DNAH14: variants seen among roughly 807,000 people sequenced by gnomAD.
The protein encoded by DNAH14 is axonemal beta dynein heavy chain 14.
In DNAH14, 478 loss-of-function variants were observed where a neutral mutation model predicts 520.9. The ratio of observed to expected loss-of-function variants is 0.92; its 90% CI spans 0.85 to 0.99. The LOEUF is 0.99. Among genes scored for constraint, DNAH14 ranks in the 50% least tolerant of loss-of-function variants. The pLI is 0.00. For synonymous variants in DNAH14, 1,581 were observed against 1,757.2 expected (o/e 0.90, Z 2.51); for missense variants, 4,831 against 5,234.5 (o/e 0.92, Z 2.38).
intron 1 of DNAH14, among the ~76,000 whole-genome samples, chr1:224,944,026 C>T (rs2059617100): frequency 6.6e-6 from 1 of 152,148 alleles, no homozygotes; most frequent in Admixed American, 6.5e-5. Flanking sequence ...TGGTGCAGAG[C>T]TGAGTTCAAT....
chr1:224,967,452 G>T lies in DNAH14; in HGVS notation c.520G>T (p.Glu174Ter). 1 of 1,557,164 alleles carries T rather than the reference G, an allele frequency of 6.4e-7. No individual in the cohort carries two copies. Among genetic ancestry groups the T allele is most frequent in the Non-Finnish European group, 8.6e-7 (1 of 1,158,842 alleles). ...TLKKPLEDDG[E>*]FVYCLPRKSP... ...TCAGAAACCTTTGGAAGATGATGGA[G>T]AATTTGTTTATTGCCTTCCTCGGAA... Residue 174 changes from glutamate (E) to a stop codon, truncating the protein, a stop_gained, in exon 6 of 86, where the codon GAA becomes TAA. Coordinates refer to ENST00000682510, the MANE Select transcript of DNAH14 (RefSeq NM_001367479.1). LOFTEE classifies it high-confidence loss of function.
intron 81 of DNAH14, among the ~76,000 whole-genome samples, chr1:225,383,055 G>A (rs1300639277): frequency 6.6e-6 from 1 of 152,202 alleles, no homozygotes; most frequent in Non-Finnish European, 1.5e-5. Flanking sequence ...CAGAGAACTG[G>A]AGAATGGATG....
intron 10 of DNAH14, among the ~76,000 whole-genome samples, chr1:225,016,735 C>G (rs76078554): frequency 6.6e-6 from 1 of 151,094 alleles, no homozygotes; most frequent in African/African-American, 2.4e-5. Context: ...TGTTTTTTTT[C>G]TTTTTCTTTT....
intron 27 of DNAH14, among the ~76,000 whole-genome samples, chr1:225,137,379 A>G (rs1434124312): frequency 6.6e-6 from 1 of 151,984 alleles, no homozygotes; most frequent in East Asian, 1.9e-4. Flanking sequence ...GTTTTAAGAT[A>G]GAGTCTTGCT....
chr1:224,978,031 G>A (rs1023923976), intron 8 of DNAH14, among the ~76,000 whole-genome samples: 2 of 152,132 alleles, frequency 1.3e-5, no homozygotes, highest in Non-Finnish European at 2.9e-5. Context: ...ATGAGGATAT[G>A]GAGAAAAGAT....
At chr1:224,998,264 T>G (rs1446007770) in intron 8 of DNAH14, among the ~76,000 whole-genome samples, 1 of 152,176 alleles carries the variant, frequency 6.6e-6, no homozygotes, top group Non-Finnish European at 1.5e-5. Flanking sequence ...ATGGTTTTTC[T>G]TTTCTCCATT....
intron 11 of DNAH14, among the ~76,000 whole-genome samples, chr1:225,033,505 G>T (rs987848149): frequency 4.6e-5 from 7 of 152,108 alleles, no homozygotes; most frequent in Non-Finnish European, 1.0e-4. Flanking sequence ...TTGAAGTTGG[G>T]TGATGCGGTT....
rs552020554 is a variant in DNAH14 at position 225,056,001 on chromosome 1, T to G, written c.2424+4206T>G. On this transcript the variant is annotated intron_variant, in intron 17 of 85. Coordinates refer to ENST00000682510, the MANE Select transcript of DNAH14 (RefSeq NM_001367479.1). ...AATAGTGCTGCAATAAATATACATG[T>G]GCATGTGTCTTTATAGCAGCATGAT... Among the ~76,000 whole-genome samples, 426 of 152,102 alleles carry G rather than the reference T, an allele frequency of 2.8e-3. 5 individuals are homozygous for G. Among genetic ancestry groups the G allele is most frequent in the Non-Finnish European group, 4.0e-3 (272 of 67,950 alleles).
In DNAH14 at chr1:225,171,335, G is replaced by C. The variant is rs181790909; in HGVS notation, c.5535+3307G>C. Among the ~76,000 whole-genome samples, 19 of 152,170 alleles carry C rather than the reference G, an allele frequency of 1.2e-4. No individual in the cohort carries two copies. The East Asian group carries it at 3.7e-3, about 29-fold the overall frequency. ...AAAAAATCAGTGAATCCAGGAGCTG[G>C]TTTTTTGAAAAGATCAACAAAATTG... On this transcript the variant is annotated intron_variant, in intron 36 of 85. Coordinates refer to ENST00000682510, the MANE Select transcript of DNAH14 (RefSeq NM_001367479.1).
intron 61 of DNAH14, among the ~76,000 whole-genome samples, chr1:225,319,000 A>G (rs1422685423): frequency 6.6e-6 from 1 of 152,226 alleles, no homozygotes; most frequent in Non-Finnish European, 1.5e-5. Flanking sequence ...AAAAATGTGC[A>G]TCTTAAAATT....
chr1:225,195,448 A>G (rs1244357982), intron 38 of DNAH14, among the ~76,000 whole-genome samples: 1 of 152,084 alleles, frequency 6.6e-6, no homozygotes, highest in Non-Finnish European at 1.5e-5. Flanking sequence ...AATGAGAGCT[A>G]AACATTGACT....
intron 51 of DNAH14, 65 bp from the exon 52 acceptor site, chr1:225,272,890 C>G: frequency 7.1e-7 from 1 of 1,409,096 alleles, no homozygotes; most frequent in East Asian, 2.7e-5. Flanking sequence ...AAAAATTGAG[C>G]CTTCGCTTCA....
chr1:225,126,252 C>A (rs1341190445), intron 27 of DNAH14, among the ~76,000 whole-genome samples: 1 of 152,116 alleles, frequency 6.6e-6, no homozygotes, highest in Non-Finnish European at 1.5e-5. Context: ...TTGCTCAATG[C>A]AGGGTTACCA....
intron 17 of DNAH14, among the ~76,000 whole-genome samples, chr1:225,069,960 T>A (rs1180997005): frequency 6.6e-6 from 1 of 152,150 alleles, no homozygotes; most frequent in Non-Finnish European, 1.5e-5. Flanking sequence ...CAGGAATGTA[T>A]CCATTTCTTC....
At chr1:225,255,001 G>GA (rs954535803) in intron 44 of DNAH14, among the ~76,000 whole-genome samples, 24 of 151,986 alleles carry the variant, frequency 1.6e-4, no homozygotes, top group Middle Eastern at 6.8e-3. Context: ...ACTGAAAGGG[G>GA]AAAAAAAATG....
chr1:225,119,334 A>G (rs2077115116), intron 26 of DNAH14, 40 bp downstream of exon 26: 11 of 1,381,050 alleles, frequency 8.0e-6, no homozygotes, highest in Non-Finnish European at 1.1e-5. Context: ...TATATTTTAT[A>G]TATATACTTG....
intron 54 of DNAH14, among the ~76,000 whole-genome samples, chr1:225,282,654 T>G (rs1230091732): frequency 6.6e-6 from 1 of 152,162 alleles, no homozygotes; most frequent in African/African-American, 2.4e-5. Flanking sequence ...CAGGAAATGC[T>G]CTAGGAAATG....
intron 11 of DNAH14, among the ~76,000 whole-genome samples, chr1:225,027,266 G>A (rs904540660): frequency 1.2e-4 from 18 of 152,030 alleles, no homozygotes; most frequent in African/African-American, 4.3e-4. Context: ...TAATTCCTCT[G>A]GCTAGTAAGT....
intron 60 of DNAH14, among the ~76,000 whole-genome samples, chr1:225,311,370 T>TTGCAAAAATTTTCTCCCA (rs1358244547): frequency 6.6e-6 from 1 of 152,190 alleles, no homozygotes; most frequent in Admixed American, 6.5e-5. Context: ...AACAGATAGA[T>TTGCAAAAATTTTCTCCCA]TGCAAAAATT....
Sources: gnomAD v4.1 joint callset for allele counts (sites outside exome capture counted in the v4.1 genomes callset) on GRCh38, gnomAD v4.1.1 for gene constraint, MANE v1.5 for transcripts, NCBI Gene and HGNC (gene_info 2026-07-23, HGNC 2026-07-21) for gene names.